GABRP: variants seen among roughly 807,000 people sequenced by gnomAD.
GABRP encodes gamma-aminobutyric acid receptor subunit pi.
GABRP carries 52 observed loss-of-function variants against 47.8 expected under a neutral mutation model. The ratio of observed to expected loss-of-function variants is 1.09; its 90% CI spans 0.87 to 1.37. The LOEUF is 1.37. GABRP is among the 40% of genes most tolerant of loss of function. The pLI, the probability that GABRP is intolerant of heterozygous loss-of-function variation, is 0.00. For missense variants in GABRP, 525 were observed against 542.8 expected (o/e 0.97, Z 0.33); for synonymous variants, 221 against 205.8 (o/e 1.07, Z -0.63).
chr5:170,793,883 G>A (rs1349390310), intron 3 of GABRP, among the ~76,000 whole-genome samples: 1 of 152,100 alleles, frequency 6.6e-6, no homozygotes, highest in Non-Finnish European at 1.5e-5. Context: ...GGCGAGCCGA[G>A]ATCGTGCTAT....
At chr5:170,803,560 AGTAGT>A (rs879778135) in intron 6 of GABRP, among the ~76,000 whole-genome samples, 1 of 152,118 alleles carries the variant, frequency 6.6e-6, no homozygotes, top group African/African-American at 2.4e-5. Context: ...TACATTTCCG[AGTAGT>A]GCAACCATCA....
In GABRP at chr5:170,811,967, G is replaced by A. The variant is rs142592840; in HGVS notation, c.1032G>A (p.Lys344=). ...TGTCTATGAACTAGGGGACAACAAA[G>A]GAAGTAGAAGAAGTCAGTATTACTA... is the stretch of plus-strand genomic sequence containing the variant. ...QMAAKDRGTT[K]EVEEVSITNI... Residue 344 remains lysine, a synonymous_variant, in exon 10 of 10, where the codon AAG becomes AAA. Coordinates refer to ENST00000265294, the MANE Select transcript of GABRP (RefSeq NM_014211.3). 5.0e-6 allele frequency: 8 copies of A among 1,613,198 alleles called. No homozygotes were observed. The highest frequency in any genetic ancestry group is 6.8e-6 in the Non-Finnish European group (8 of 1,179,416).
intron 3 of GABRP, 80 bp downstream of exon 3, chr5:170,789,327 T>C (rs1382216010): frequency 1.2e-6 from 1 of 801,968 alleles, no homozygotes; most frequent in African/African-American, 1.7e-5. Flanking sequence ...TTCGGGAGGT[T>C]TTAGTTGACT....
chr5:170,809,564 C>T lies in GABRP; in HGVS notation c.833-4C>T. The T allele has an allele frequency of 6.2e-7, 1 of 1,613,378 alleles. No homozygotes were observed. Among genetic ancestry groups the T allele is most frequent in the Middle Eastern group, 1.8e-4 (1 of 5,546 alleles). On this transcript the variant is annotated splice_region_variant and splice_polypyrimidine_tract_variant and intron_variant, in intron 8 of 9. Coordinates refer to ENST00000265294, the MANE Select transcript of GABRP (RefSeq NM_014211.3). ...GTAGGAACATCCCCTGCCTGTTTTCCCAGGAGTGACGACCGTGTTATCAAT... is the reference window on the plus strand; with the variant it reads ...GTAGGAACATCCCCTGCCTGTTTTCTCAGGAGTGACGACCGTGTTATCAAT...
At chr5:170,785,144 C>T (rs755861567) in intron 1 of GABRP, among the ~76,000 whole-genome samples, 3 of 152,230 alleles carry the variant, frequency 2.0e-5, no homozygotes, top group Non-Finnish European at 4.4e-5. Flanking sequence ...GGAGTGATGG[C>T]ATCAGCTGCA....
At chr5:170,804,329 T>C (rs1185619297) in intron 6 of GABRP, among the ~76,000 whole-genome samples, 1 of 152,052 alleles carries the variant, frequency 6.6e-6, no homozygotes, top group Non-Finnish European at 1.5e-5. Context: ...TGAACACTGG[T>C]GTGTGAGTCT....
At position 170,812,838 on chromosome 5, in the gene GABRP, C is replaced by T. The variant is rs1219506134; in HGVS notation, c.*580C>T. On this transcript the variant is annotated 3_prime_UTR_variant, in exon 10 of 10. Coordinates refer to ENST00000265294, the MANE Select transcript of GABRP (RefSeq NM_014211.3). ...TTATTTAATACCACAACAGAATTATCCCCAATTTCCAATAAGTCCTATCAT... is the reference window on the plus strand; with the variant it reads ...TTATTTAATACCACAACAGAATTATTCCCAATTTCCAATAAGTCCTATCAT... 2 of 152,092 alleles carry T rather than the reference C, an allele frequency of 1.3e-5. No homozygotes were observed. Among genetic ancestry groups the T allele is most frequent in the Non-Finnish European group, 2.9e-5 (2 of 68,076 alleles). 9.4% of individuals were successfully genotyped at this position (152,092 alleles called of 1,614,324 possible). A position where few individuals can be genotyped will look rare whatever the true frequency, so the allele number is the denominator to read the frequency against.
chr5:170,807,232 G>A (rs1483934521), intron 7 of GABRP, among the ~76,000 whole-genome samples: 1 of 152,158 alleles, frequency 6.6e-6, no homozygotes, highest in East Asian at 1.9e-4. Context: ...ACAGACATGA[G>A]CCACCAAGCC....
chr5:170,789,018 G>A (rs939086114), intron 2 of GABRP, 111 bp from the exon 3 acceptor site: 1 of 792,894 alleles, frequency 1.3e-6, no homozygotes, highest in African/African-American at 1.7e-5. Context: ...CTGGTACATG[G>A]GCAAGGCACA....
rs1386908261 is a variant in GABRP at position 170,801,418 on chromosome 5, G to C, written c.541+3870G>C. ...ATTGTTCCCCAAATTGAGTAACCAT[G>C]TGACGCTTTTGTTGGATTCCCCAAA... On this transcript the variant is annotated intron_variant, in intron 6 of 9. Coordinates refer to ENST00000265294, the MANE Select transcript of GABRP (RefSeq NM_014211.3). Among the ~76,000 whole-genome samples, 5 of 152,122 alleles carry C rather than the reference G, an allele frequency of 3.3e-5. No homozygotes were observed. The East Asian group carries it at 9.6e-4, about 29-fold the overall frequency.
chr5:170,792,722 G>A (rs1449775774), intron 3 of GABRP, among the ~76,000 whole-genome samples: 6 of 152,106 alleles, frequency 3.9e-5, no homozygotes, highest in African/African-American at 1.4e-4. Context: ...AATTGCATTG[G>A]CTCTAACACT....
chr5:170,798,852 T>C (rs893942123), intron 6 of GABRP, among the ~76,000 whole-genome samples: 1 of 152,124 alleles, frequency 6.6e-6, no homozygotes, highest in African/African-American at 2.4e-5. Context: ...AACATGCAGG[T>C]TTGTTACATA....
chr5:170,812,294 A>T lies in GABRP; in HGVS notation c.*36A>T. On this transcript the variant is annotated 3_prime_UTR_variant, in exon 10 of 10. Coordinates refer to ENST00000265294, the MANE Select transcript of GABRP (RefSeq NM_014211.3). Reference sequence around the variant, plus strand: ...AATTTCTTGCATGCCATAGGTCTTCAACAGGACAAGATAATGATGTAAATG... The same window carrying T: ...AATTTCTTGCATGCCATAGGTCTTCTACAGGACAAGATAATGATGTAAATG... 6.6e-7 allele frequency: 1 copy of T among 1,526,644 alleles called. No homozygotes were observed. Among genetic ancestry groups the T allele is most frequent in the East Asian group, 2.3e-5 (1 of 44,360 alleles). The allele number at this position is 1,526,644 out of a possible 1,614,324, so 94.6% of individuals were successfully genotyped here.
chr5:170,805,925 A>T, intron 7 of GABRP, 72 bp downstream of exon 7: 1 of 1,534,840 alleles, frequency 6.5e-7, no homozygotes, highest in Admixed American at 1.7e-5. Flanking sequence ...CTGAGTCAGA[A>T]ATATCGTCTT....
intron 7 of GABRP, 81 bp from the exon 8 acceptor site, chr5:170,808,519 T>C: frequency 8.5e-7 from 1 of 1,172,658 alleles, no homozygotes; most frequent in South Asian, 1.4e-5. Flanking sequence ...GGGCTTAATG[T>C]ACATATAGTT....
Position 170,812,558 on chromosome 5 carries a change from T to G in GABRP, c.*300T>G, listed in dbSNP as rs1304647919. Reference sequence around the variant, plus strand: ...CAGGGCTGTTTATTCGGTGGCTCCCTGGTTTGCATTTACCTCATATAAAGA... The same window carrying G: ...CAGGGCTGTTTATTCGGTGGCTCCCGGGTTTGCATTTACCTCATATAAAGA... On this transcript the variant is annotated 3_prime_UTR_variant, in exon 10 of 10. Transcript: ENST00000265294. The G allele has an allele frequency of 6.8e-6, 2 of 292,528 alleles. No homozygotes were observed. Among genetic ancestry groups the G allele is most frequent in the East Asian group, 1.3e-4 (2 of 15,562 alleles). 18.1% of individuals were successfully genotyped at this position (292,528 alleles called of 1,614,324 possible). A position where few individuals can be genotyped will look rare whatever the true frequency, so the allele number is the denominator to read the frequency against.
intron 5 of GABRP, among the ~76,000 whole-genome samples, chr5:170,796,384 G>C (rs970629805): frequency 6.6e-6 from 1 of 152,198 alleles, no homozygotes; most frequent in African/African-American, 2.4e-5. Flanking sequence ...ATGTGTGAGT[G>C]TGTGCATGCA....
chr5:170,806,867 A>AT (rs1164328458), intron 7 of GABRP, among the ~76,000 whole-genome samples: 2 of 151,270 alleles, frequency 1.3e-5, no homozygotes, highest in African/African-American at 4.9e-5. Context: ...AGGAAAGATG[A>AT]TTTTTTCTCT....
chr5:170,792,930 T>G (rs1194075681), intron 3 of GABRP, among the ~76,000 whole-genome samples: 4 of 152,178 alleles, frequency 2.6e-5, no homozygotes, highest in African/African-American at 9.7e-5. Flanking sequence ...CTATTGCATC[T>G]ATTAGCCTGG....
Sources: gnomAD v4.1 joint callset for allele counts (sites outside exome capture counted in the v4.1 genomes callset) on GRCh38, gnomAD v4.1.1 for gene constraint, MANE v1.5 for transcripts, NCBI Gene and HGNC (gene_info 2026-07-23, HGNC 2026-07-21) for gene names.